Variants in TENM3 observed in about 807,000 individuals in gnomAD.
The protein encoded by TENM3 is teneurin transmembrane protein 3, also known as teneurin-3.
In TENM3, 63 loss-of-function variants were observed where a neutral mutation model predicts 255.1. The observed-to-expected ratio is 0.25, with a 90% confidence interval of 0.20 to 0.30. The LOEUF is 0.30. Ranked by LOEUF, TENM3 falls within the 10% of genes least tolerant of loss-of-function variation. TENM3 has a pLI of 1.00. For synonymous variants in TENM3, 1,306 were observed against 1,322.3 expected, an observed-to-expected ratio of 0.99 and a Z score of 0.27; for missense variants, 2,929 against 3,461.1, an observed-to-expected ratio of 0.85 and a Z score of 3.86.
the TENM3 span, among the ~76,000 whole-genome samples, chr4:181,971,375 G>A: frequency 6.6e-6 from 1 of 152,278 alleles, no homozygotes; most frequent in East Asian, 1.9e-4. Context: ...AGGAAGAGGA[G>A]AGAGTGAGAA....
chr4:181,935,347 C>T, the TENM3 span, among the ~76,000 whole-genome samples: 1 of 152,222 alleles, frequency 6.6e-6, no homozygotes, highest in Non-Finnish European at 1.5e-5. Context: ...TTCATCTCCA[C>T]CTTAAGCTCT....
upstream of TENM3, among the ~76,000 whole-genome samples, chr4:182,238,456 C>T (rs375910206): frequency 6.6e-6 from 1 of 152,196 alleles, no homozygotes; most frequent in African/African-American, 2.4e-5. Flanking sequence ...CCTATCCACC[C>T]AGCCTCTATG....
intron 1 of TENM3, among the ~76,000 whole-genome samples, chr4:182,226,151 C>T (rs576383143): frequency 2.0e-5 from 3 of 152,054 alleles, no homozygotes; most frequent in South Asian, 2.1e-4. Context: ...CAGCAAAGAC[C>T]GAAAAGCTGG....
At chr4:182,744,084 CTG>C (rs1389467275) in intron 19 of TENM3, 4 of 830,038 alleles carry the variant, frequency 4.8e-6, no homozygotes, top group Admixed American at 7.3e-5. Flanking sequence ...GCTTTTCTAA[CTG>C]TGCTTTCTTT....
At position 182,346,838 on chromosome 4, in the gene TENM3, A is replaced by G; in HGVS notation, c.420A>G (p.Lys140=). ...TGAGACTTTGGGGCAGGGGGGTCAA[A>G]TCAGGCCGCAGCTCCTGCCTGTCAA... ...HAMRLWGRGV[K]SGRSSCLSSR... is the part of the protein sequence containing the mutation. Residue 140 remains lysine (K), a synonymous_variant, in exon 3 of 28, where the codon AAA becomes AAG. Coordinates refer to ENST00000511685, the MANE Select transcript of TENM3 (RefSeq NM_001080477.4). 1 of 1,613,274 alleles carries G rather than the reference A, an allele frequency of 6.2e-7. No homozygotes were observed. The highest frequency in any genetic ancestry group is 1.1e-5 in the South Asian group (1 of 90,914).
chr4:182,729,145 C>G lies in TENM3; in HGVS notation c.2549C>G (p.Thr850Ser). The G allele has an allele frequency of 6.2e-7, 1 of 1,613,970 alleles. No individual in the cohort carries two copies. Among genetic ancestry groups the G allele is most frequent in the Non-Finnish European group, 8.5e-7 (1 of 1,179,878 alleles). The change falls in exon 14 of 28, where the codon ACC (threonine) becomes AGC (serine). Residue 850 changes from threonine (T) to serine (S), a missense_variant. Thr to Ser is a moderately conservative substitution (Grantham distance 58). Around this residue, in one of 6 missense-constraint regions of TENM3, gnomAD observed 1,608 missense variants for 1,884.4 expected, o/e 0.85. Coordinates refer to ENST00000511685, the MANE Select transcript of TENM3 (RefSeq NM_001080477.4). ...AGTTTCCTTATAGGATCTGATAGCA[C>G]CCATGTTATACCTGGAGAAAGTCCT... Reference protein sequence around the residue: ...RISFLIGSDSTHVIPGESPFN... With the variant: ...RISFLIGSDSSHVIPGESPFN...
intron 3 of TENM3, among the ~76,000 whole-genome samples, chr4:182,375,429 A>C (rs1767107145): frequency 6.6e-6 from 1 of 152,248 alleles, no homozygotes; most frequent in Non-Finnish European, 1.5e-5. Flanking sequence ...AGAGAAACTT[A>C]GTCTTAGGCA....
In TENM3 at chr4:182,600,659, T is replaced by C. The variant is rs114348328; in HGVS notation, c.512-265T>C. ...AATAAAACCAGATGAAAAAAAAATC[T>C]GAAACAAATTAAAACCAAAAGCAAT... On this transcript the variant is annotated intron_variant, in intron 3 of 27. Transcript: ENST00000511685. Among the ~76,000 whole-genome samples, 340 of 152,120 alleles carry C rather than the reference T, an allele frequency of 2.2e-3. 1 individual carries two copies. Among genetic ancestry groups the C allele is most frequent in the African/African-American group, 6.7e-3 (278 of 41,524 alleles).
the TENM3 span, among the ~76,000 whole-genome samples, chr4:182,061,249 T>C: frequency 6.6e-6 from 1 of 152,122 alleles, no homozygotes; most frequent in African/African-American, 2.4e-5. Flanking sequence ...GGGCTCCCAG[T>C]GAAAAACAAT....
the TENM3 span, among the ~76,000 whole-genome samples, chr4:181,924,834 A>T: frequency 2.0e-5 from 3 of 152,148 alleles, no homozygotes; most frequent in Non-Finnish European, 4.4e-5. Flanking sequence ...CTCTACTCAT[A>T]CTGTGACATT....
chr4:181,990,284 C>A, the TENM3 span, among the ~76,000 whole-genome samples: 1 of 152,108 alleles, frequency 6.6e-6, no homozygotes, highest in Non-Finnish European at 1.5e-5. Flanking sequence ...AAAAATGTTG[C>A]TGGAAATGTC....
At chr4:182,628,563 GAGAC>G in intron 4 of TENM3, 84 bp from the exon 5 acceptor site, 1 of 797,484 alleles carries the variant, frequency 1.3e-6, no homozygotes, top group Non-Finnish European at 2.0e-6. Flanking sequence ...GAGAGCAAAA[GAGAC>G]AGGAGAGCTA....
the TENM3 span, among the ~76,000 whole-genome samples, chr4:181,623,027 A>C: frequency 6.6e-6 from 1 of 152,200 alleles, no homozygotes. Context: ...TAAGGAATTC[A>C]TTTCTAATAG....
the TENM3 span, among the ~76,000 whole-genome samples, chr4:181,465,659 G>A: frequency 6.6e-6 from 1 of 152,090 alleles, no homozygotes; most frequent in African/African-American, 2.4e-5. Flanking sequence ...GGCATATATA[G>A]CCAAAACCAC....
chr4:182,386,957 G>A (rs1467167409), intron 3 of TENM3, among the ~76,000 whole-genome samples: 1 of 152,274 alleles, frequency 6.6e-6, no homozygotes, highest in Non-Finnish European at 1.5e-5. Context: ...GGGGCTGGCA[G>A]GCAGCTCCAC....
intron 19 of TENM3, 61 bp from the exon 20 acceptor site, chr4:182,751,739 A>C (rs1762385125): frequency 2.4e-6 from 3 of 1,241,802 alleles, no homozygotes; most frequent in African/African-American, 3.0e-5. Flanking sequence ...TTTTGCTTTT[A>C]ATTTCCCTCT....
intron 3 of TENM3, among the ~76,000 whole-genome samples, chr4:182,446,979 T>G (rs1470357905): frequency 6.6e-6 from 1 of 152,126 alleles, no homozygotes; most frequent in Admixed American, 6.5e-5. Context: ...GCTTAAGAGC[T>G]TAGAAGTTTT....
the TENM3 span, among the ~76,000 whole-genome samples, chr4:181,493,405 T>C: frequency 6.6e-6 from 1 of 151,828 alleles, no homozygotes; most frequent in South Asian, 2.1e-4. Context: ...ACAAATAAGA[T>C]TTTGAAGTCT....
the TENM3 span, among the ~76,000 whole-genome samples, chr4:181,585,334 G>A: frequency 1.4e-4 from 21 of 152,066 alleles, no homozygotes; most frequent in Non-Finnish European, 2.1e-4. Flanking sequence ...TATCTCTTAC[G>A]TGTTGTTCTT....
Sources: gnomAD v4.1 joint callset for allele counts (sites outside exome capture counted in the v4.1 genomes callset) on GRCh38, gnomAD v4.1.1 for gene constraint, gnomAD v4.1.1 regional missense constraint, MANE v1.5 for transcripts, NCBI Gene and HGNC (gene_info 2026-07-23, HGNC 2026-07-21) for gene names.